The following WNT2B variants were observed in gnomAD, a reference collection of about 807,000 sequenced individuals.
WNT2B encodes Wnt family member 2B.
WNT2B carries 19 observed loss-of-function variants against 40.5 expected under a neutral mutation model. The ratio of observed to expected loss-of-function variants is 0.47; its 90% CI spans 0.33 to 0.69. The LOEUF (loss-of-function observed/expected upper bound fraction) is 0.69. Among genes scored for constraint, WNT2B ranks in the 30% least tolerant of loss-of-function variants. The probability of loss-of-function intolerance (pLI) is 0.02; values close to 1 mark genes in which losing one functional copy is unlikely to be tolerated. For synonymous variants in WNT2B, 220 were observed against 211.9 expected (o/e 1.04, Z -0.33); for missense variants, 467 against 556.4 (o/e 0.84, Z 1.62).
intron 1 of WNT2B, among the ~76,000 whole-genome samples, chr1:112,479,634 C>A (rs1362049097): frequency 6.6e-6 from 1 of 152,100 alleles, no homozygotes; most frequent in Non-Finnish European, 1.5e-5. Context: ...CCAACAAGAT[C>A]ACAAAGTGTG....
chr1:112,506,849 C>A (rs751936445), upstream of WNT2B, among the ~76,000 whole-genome samples: 2 of 152,216 alleles, frequency 1.3e-5, no homozygotes, highest in African/African-American at 4.8e-5. Context: ...AGGAAGTCGG[C>A]CCTGAGAAGT....
chr1:112,488,003 A>C, intron 1 of WNT2B, among the ~76,000 whole-genome samples: 1 of 151,932 alleles, frequency 6.6e-6, no homozygotes, highest in African/African-American at 2.4e-5. Flanking sequence ...TTTTTTAAAA[A>C]CAAAATCTGG....
chr1:112,491,492 G>C (rs1401932413), intron 1 of WNT2B, among the ~76,000 whole-genome samples: 1 of 152,162 alleles, frequency 6.6e-6, no homozygotes, highest in Non-Finnish European at 1.5e-5. Context: ...AGACTACATG[G>C]AATAGGGCCT....
At chr1:112,471,870 C>G (rs1031869981) in intron 1 of WNT2B, among the ~76,000 whole-genome samples, 2 of 152,092 alleles carry the variant, frequency 1.3e-5, no homozygotes, top group African/African-American at 4.8e-5. Flanking sequence ...AAATCCTAGC[C>G]AAAACAAAAT....
At chr1:112,489,670 G>A (rs530365479) in intron 1 of WNT2B, among the ~76,000 whole-genome samples, 4 of 152,230 alleles carry the variant, frequency 2.6e-5, no homozygotes, top group African/African-American at 7.2e-5. Context: ...GCCAATACTC[G>A]CAATGGATAT....
intron 1 of WNT2B, among the ~76,000 whole-genome samples, chr1:112,494,797 G>A (rs1006176529): frequency 1.3e-5 from 2 of 151,432 alleles, no homozygotes; most frequent in Non-Finnish European, 2.9e-5. Context: ...GGTCAGAAAC[G>A]TGGATCTACT....
At chr1:112,480,279 A>G (rs1036190614) in intron 1 of WNT2B, among the ~76,000 whole-genome samples, 1 of 151,590 alleles carries the variant, frequency 6.6e-6, no homozygotes, top group African/African-American at 2.4e-5. Context: ...AGGCAGGAGA[A>G]TCACGTGAAC....
At position 112,517,382 on chromosome 1, in the gene WNT2B, G is replaced by A; in HGVS notation, c.943G>A (p.Ala315Thr). The A allele has an allele frequency of 6.3e-7, 1 of 1,599,844 alleles. No individual in the cohort carries two copies. The change falls in exon 4 of 5, where the codon GCA (alanine) becomes ACA (threonine). Residue 315 changes from alanine to threonine, a missense_variant. Ala to Thr is a moderately conservative substitution (Grantham distance 58, BLOSUM62 0). Coordinates refer to ENST00000369684, the MANE Select transcript of WNT2B (RefSeq NM_024494.3). ...AGATTACTGTGTCTTGGACAAGGCTGCAGGTGAGTAAGGAAGGCAGGCAGG... is the reference window on the plus strand; with the variant it reads ...AGATTACTGTGTCTTGGACAAGGCTACAGGTGAGTAAGGAAGGCAGGCAGG... ...SPDYCVLDKAAGSLGTAGRVC... is the reference protein window; with the variant it reads ...SPDYCVLDKATGSLGTAGRVC...
intron 1 of WNT2B, among the ~76,000 whole-genome samples, chr1:112,496,605 G>T (rs985613311): frequency 6.9e-6 from 1 of 145,528 alleles, no homozygotes; most frequent in African/African-American, 2.5e-5. Flanking sequence ...TTTCTTTTTT[G>T]TTTTTTTTTT....
intron 4 of WNT2B, 22 bp from the exon 5 acceptor site, chr1:112,520,258 C>T (rs1031271916): frequency 9.3e-6 from 15 of 1,605,832 alleles, no homozygotes; most frequent in African/African-American, 1.3e-5. Flanking sequence ...TTTGTTCTCA[C>T]TCCCTCTCTT....
At position 112,526,073 on chromosome 1, in the gene WNT2B, T is replaced by C. The variant is rs1380101827; in HGVS notation, c.*5564T>C. 1.2e-6 allele frequency: 2 copies of C among 1,614,158 alleles called. No homozygotes were observed. The highest frequency in any genetic ancestry group is 2.7e-5 in the African/African-American group (2 of 75,044). ...AATCCTGTGTATTCTCCTCAAAGCC[T>C]GAGGATGCCCAGGGTTGGGGGCACC... On this transcript the variant is annotated 3_prime_UTR_variant, in exon 5 of 5. Transcript: ENST00000369684.
intron 3 of WNT2B, 38 bp downstream of exon 3, chr1:112,516,455 C>G: frequency 6.3e-7 from 1 of 1,579,146 alleles, no homozygotes; most frequent in Non-Finnish European, 8.6e-7. Context: ...CTCATATTTG[C>G]TGGGGGTGAC....
At chr1:112,473,129 G>GAA (rs1181551979) in intron 1 of WNT2B, among the ~76,000 whole-genome samples, 45 of 106,240 alleles carry the variant, frequency 4.2e-4, no homozygotes, top group Middle Eastern at 4.0e-3. Context: ...AAAGAAAAAA[G>GAA]AGAAAGAAAG....
At chr1:112,481,612 A>C (rs1235807397) in intron 1 of WNT2B, among the ~76,000 whole-genome samples, 2 of 152,228 alleles carry the variant, frequency 1.3e-5, no homozygotes, top group South Asian at 2.1e-4. Flanking sequence ...CCTTCTTTGC[A>C]GATGGTGTGA....
At chr1:112,479,472 G>A (rs1479402028) in intron 1 of WNT2B, among the ~76,000 whole-genome samples, 1 of 151,746 alleles carries the variant, frequency 6.6e-6, no homozygotes, top group African/African-American at 2.4e-5. Flanking sequence ...TACTTGGGAG[G>A]CTGAGGCAGG....
intron 1 of WNT2B, among the ~76,000 whole-genome samples, chr1:112,483,175 C>G (rs1439448910): frequency 7.7e-6 from 1 of 129,390 alleles, no homozygotes; most frequent in African/African-American, 2.8e-5. Context: ...GCCTGGGCAA[C>G]ATAGATACAC....
At chr1:112,497,915 CTT>C (rs111316479) in intron 1 of WNT2B, among the ~76,000 whole-genome samples, 5 of 146,230 alleles carry the variant, frequency 3.4e-5, no homozygotes, top group Admixed American at 6.9e-5. Context: ...GTTCATCACT[CTT>C]TTTTTTTTTT....
At chr1:112,518,488 A>G (rs1037227491) in intron 4 of WNT2B, 1 of 152,200 alleles carries the variant, frequency 6.6e-6, no homozygotes, top group African/African-American at 2.4e-5. Flanking sequence ...ATTAATGAAG[A>G]AAGTAGTCTG....
At chr1:112,506,219 T>C (rs1168215381), upstream of WNT2B, among the ~76,000 whole-genome samples, 2 of 152,192 alleles carry the variant, frequency 1.3e-5, no homozygotes, top group African/African-American at 4.8e-5. Flanking sequence ...GGCTAGTCTC[T>C]AACTCCTGTG....
Sources: allele counts gnomAD v4.1 joint callset (sites outside exome capture counted in the v4.1 genomes callset), GRCh38; gene constraint gnomAD v4.1.1; transcripts MANE v1.5; gene names NCBI Gene and HGNC (gene_info 2026-07-23, HGNC 2026-07-21).